Variants in PROM1 observed in about 807,000 individuals in gnomAD.
PROM1 encodes prominin 1.
In PROM1, 105 loss-of-function variants were observed where a neutral mutation model predicts 116.9. The observed-to-expected ratio is 0.90, with a 90% CI of 0.77 to 1.06. PROM1 has a LOEUF of 1.06. Among genes scored for constraint, PROM1 ranks in the 50% least tolerant of loss-of-function variants. The pLI is 0.00. For synonymous variants in PROM1, 393 were observed against 387.0 expected (o/e 1.02, Z -0.18); for missense variants, 1,122 against 1,045.2 (o/e 1.07, Z -1.01).
intron 2 of PROM1, among the ~76,000 whole-genome samples, chr4:16,065,708 T>C (rs1741373482): frequency 6.6e-6 from 1 of 152,208 alleles, no homozygotes; most frequent in African/African-American, 2.4e-5. Context: ...TCTCAAGAAA[T>C]ATGACCTTGG....
At chr4:15,971,205 A>G in intron 26 of PROM1, 123 bp from the exon 27 acceptor site, 2 of 708,524 alleles carry the variant, frequency 2.8e-6, no homozygotes, top group Non-Finnish European at 4.5e-6. Flanking sequence ...CACACCTCAT[A>G]AAGTTTATCA....
chr4:16,007,435 T>C (rs1725806893), intron 12 of PROM1, among the ~76,000 whole-genome samples: 1 of 152,194 alleles, frequency 6.6e-6, no homozygotes, highest in Non-Finnish European at 1.5e-5. Flanking sequence ...TTTAAGACAC[T>C]AAAAAACAAA....
At chr4:16,033,627 T>C in intron 4 of PROM1, 118 bp from the exon 5 acceptor site, 3 of 885,618 alleles carry the variant, frequency 3.4e-6, no homozygotes, top group South Asian at 2.3e-5. Context: ...TCTCGCTCTG[T>C]TGCCCAGGCT....
At chr4:16,000,266 G>A (rs998995340) in intron 14 of PROM1, among the ~76,000 whole-genome samples, 7 of 152,148 alleles carry the variant, frequency 4.6e-5, no homozygotes, top group Admixed American at 3.3e-4. Context: ...TTTCGCTTAT[G>A]ATCAGAAAAT....
chr4:16,040,504 A>T (rs973916036), intron 2 of PROM1, among the ~76,000 whole-genome samples: 10 of 152,382 alleles, frequency 6.6e-5, no homozygotes, highest in African/African-American at 2.2e-4. Context: ...CTGTTGATTT[A>T]AAAACTGAGA....
rs192719533 is a variant in PROM1 at position 15,976,610 on chromosome 4, T to C, written c.2582+2785A>G. ...AAGCTGGGGATTAGCCAGAGTCCAG[T>C]TGGCTGTGATGATCATGCCTAAGTG... On this transcript the variant is annotated intron_variant, in intron 26 of 27. Transcript: ENST00000447510. Among the ~76,000 whole-genome samples, 7 of 152,360 alleles carry C rather than the reference T, an allele frequency of 4.6e-5. No homozygotes were observed. In the East Asian group the frequency reaches 7.7e-4, roughly 17 times the overall value.
intron 1 of PROM1, among the ~76,000 whole-genome samples, chr4:16,078,573 T>G (rs1298546214): frequency 6.6e-6 from 1 of 152,236 alleles, no homozygotes; most frequent in Non-Finnish European, 1.5e-5. Context: ...TCTTCCTCTC[T>G]GTATTAAGTG....
chr4:16,025,458 T>C, intron 5 of PROM1, 146 bp from the exon 6 acceptor site: 2 of 1,034,456 alleles, frequency 1.9e-6, no homozygotes, highest in South Asian at 3.5e-5. Context: ...TCCCACATCC[T>C]TCCCACCGCC....
intron 2 of PROM1, among the ~76,000 whole-genome samples, chr4:16,063,260 G>T (rs577679226): frequency 6.6e-6 from 1 of 152,254 alleles, no homozygotes; most frequent in South Asian, 2.1e-4. Flanking sequence ...CAAATAAATT[G>T]CAAGAGGGAA....
intron 10 of PROM1, among the ~76,000 whole-genome samples, chr4:16,015,345 C>A (rs1422225747): frequency 2.8e-3 from 142 of 51,480 alleles, no homozygotes; most frequent in East Asian, 9.9e-3. Flanking sequence ...GACTCCATCT[C>A]AAAAAAAAAA....
intron 11 of PROM1, among the ~76,000 whole-genome samples, chr4:16,010,555 G>A (rs1399966944): frequency 1.3e-5 from 2 of 152,216 alleles, no homozygotes; most frequent in African/African-American, 2.4e-5. Context: ...CCAGGCTGGA[G>A]TGCAGTGGCA....
chr4:16,052,644 CTAA>C, intron 2 of PROM1, among the ~76,000 whole-genome samples: 1 of 152,196 alleles, frequency 6.6e-6, no homozygotes, highest in African/African-American at 2.4e-5. Context: ...ACATGCCTGG[CTAA>C]TGTTTGTATT....
intron 2 of PROM1, among the ~76,000 whole-genome samples, chr4:16,046,854 C>T (rs886710238): frequency 1.3e-5 from 2 of 152,170 alleles, no homozygotes; most frequent in Non-Finnish European, 2.9e-5. Flanking sequence ...TGACTTTGCT[C>T]ATTTGATTCT....
chr4:16,035,231 C>A (rs1477420141), intron 4 of PROM1, among the ~76,000 whole-genome samples: 2 of 152,178 alleles, frequency 1.3e-5, no homozygotes, highest in Admixed American at 1.3e-4. Context: ...CAAACTCTTA[C>A]TTACGTATTT....
rs187841070 is a variant in PROM1 at position 15,985,594 on chromosome 4, C to T, written c.2280+166G>A. 1,651 of 645,336 alleles carry T rather than the reference C, an allele frequency of 2.6e-3. 5 individuals carry two copies. The highest frequency in any genetic ancestry group is 3.6e-3 in the Non-Finnish European group (1,316 of 370,668). 40.0% of individuals were successfully genotyped at this position (645,336 alleles called of 1,614,324 possible). A position where few individuals can be genotyped will look rare whatever the true frequency, so the allele number is the denominator to read the frequency against. On this transcript the variant is annotated intron_variant, in intron 22 of 27. Transcript: ENST00000447510. The stretch of plus-strand genomic sequence containing the variant: ...GGACCAGGAGGTGGCTGTCCTCTGA[C>T]CTGGTGGGAAGCCCCAGAAGTCTTG...
intron 18 of PROM1, among the ~76,000 whole-genome samples, chr4:15,990,732 T>C (rs1000235336): frequency 1.3e-5 from 2 of 152,214 alleles, no homozygotes; most frequent in African/African-American, 4.8e-5. Context: ...CACCTCTCCC[T>C]GTCCATCACC....
intron 15 of PROM1, among the ~76,000 whole-genome samples, chr4:15,997,437 T>TTA (rs150863529): frequency 0.042 from 6,256 of 149,020 alleles, 270 homozygotes; most frequent in East Asian, 0.18. Context: ...TCAGGAGTTG[T>TTA]TATATATATA....
chr4:16,012,891 ACAAC>A (rs1263522752), intron 11 of PROM1, among the ~76,000 whole-genome samples: 13 of 144,242 alleles, frequency 9.0e-5, no homozygotes, highest in African/African-American at 3.3e-4. Flanking sequence ...AAAAAAAAAA[ACAAC>A]AAACTTTGAT....
chr4:16,057,950 C>T (rs894456446), intron 2 of PROM1, among the ~76,000 whole-genome samples: 1 of 152,182 alleles, frequency 6.6e-6, no homozygotes, highest in Admixed American at 6.5e-5. Context: ...ACAGCAGAGT[C>T]CTATACCTGT....
Sources: gnomAD v4.1 joint callset for allele counts (sites outside exome capture counted in the v4.1 genomes callset) on GRCh38, gnomAD v4.1.1 for gene constraint, MANE v1.5 for transcripts, NCBI Gene and HGNC (gene_info 2026-07-23, HGNC 2026-07-21) for gene names.